The following CD276 variants were observed in gnomAD, a reference collection of about 807,000 sequenced individuals.
The protein encoded by CD276 is CD276 antigen.
In CD276, 34 loss-of-function variants were observed where a neutral mutation model predicts 50.0. The observed-to-expected ratio is 0.68, with a 90% CI of 0.52 to 0.91. CD276 has a LOEUF of 0.91. Among genes scored for constraint, CD276 ranks in the 40% least tolerant of loss-of-function variants. The pLI, the probability that CD276 is intolerant of heterozygous loss-of-function variation, is 0.00. For synonymous variants in CD276, 275 were observed against 313.0 expected, an observed-to-expected ratio of 0.88 and a Z score of 1.28; for missense variants, 634 against 717.5, an observed-to-expected ratio of 0.88 and a Z score of 1.33.
At chr15:73,702,697 T>C in intron 3 of CD276, 75 bp from the exon 4 acceptor site, 1 of 1,562,522 alleles carries the variant, frequency 6.4e-7, no homozygotes, top group Non-Finnish European at 8.7e-7. Flanking sequence ...TGCTGATTCC[T>C]GTACTCAGCC....
At chr15:73,699,445 A>T (rs1051513190) in intron 1 of CD276, 141 bp from the exon 2 acceptor site, 1 of 1,127,704 alleles carries the variant, frequency 8.9e-7, no homozygotes, top group Admixed American at 2.5e-5. Context: ...ATTCCTCAGC[A>T]GGGGGCCCGG....
At chr15:73,685,453 T>TTGTGTG (rs55859831) in intron 1 of CD276, among the ~76,000 whole-genome samples, 1,839 of 131,888 alleles carry the variant, frequency 0.014, 22 homozygotes, top group Middle Eastern at 0.036. Flanking sequence ...CAAAAAAGAT[T>TTGTGTG]TGTGTGTGTG....
Position 73,702,695 on chromosome 15 carries a change from C to T in CD276, c.419-77C>T, listed in dbSNP as rs1457361616. On this transcript the variant is annotated intron_variant, in intron 3 of 9. Coordinates refer to ENST00000318443, the MANE Select transcript of CD276 (RefSeq NM_001024736.2). Reference sequence around the variant, plus strand: ...TGCTCCCAGAACCCCAGTGCTGATTCCTGTACTCAGCCCCATGCATCCTTT... The same window carrying T: ...TGCTCCCAGAACCCCAGTGCTGATTTCTGTACTCAGCCCCATGCATCCTTT... 199 of 1,561,032 alleles carry T rather than the reference C, an allele frequency of 1.3e-4. 1 individual carries two copies. The highest frequency in any genetic ancestry group is 2.3e-5 in the Non-Finnish European group (26 of 1,152,534).
intron 1 of CD276, among the ~76,000 whole-genome samples, chr15:73,697,205 G>T (rs1470414532): frequency 6.6e-6 from 1 of 152,214 alleles, no homozygotes; most frequent in Admixed American, 6.5e-5. Context: ...TGCTGACTCA[G>T]CAGGCAGTAA....
chr15:73,704,075 G>C lies in CD276; in HGVS notation c.1072+78G>C. 6.4e-7 allele frequency: 1 copy of C among 1,561,746 alleles called. No homozygotes were observed. The highest frequency in any genetic ancestry group is 8.7e-7 in the Non-Finnish European group (1 of 1,153,052). ...GCAGCCCACCCTCTGCTGCACCACTGCTCCCAGAACCCCAGTGCTGATTCC... is the reference window on the plus strand; with the variant it reads ...GCAGCCCACCCTCTGCTGCACCACTCCTCCCAGAACCCCAGTGCTGATTCC... On this transcript the variant is annotated intron_variant, in intron 5 of 9. Coordinates refer to ENST00000318443, the MANE Select transcript of CD276 (RefSeq NM_001024736.2). The surrounding 1 kb of genome is among the most constrained non-coding windows in gnomAD (Gnocchi z 4.1).
Position 73,713,193 on chromosome 15 carries a change from T to C in CD276, c.*237T>C, listed in dbSNP as rs1385773682. 3 of 503,352 alleles carry C rather than the reference T, an allele frequency of 6.0e-6. No individual in the cohort carries two copies. Among genetic ancestry groups the C allele is most frequent in the South Asian group, 3.3e-5 (1 of 30,124 alleles). 31.2% of individuals were successfully genotyped at this position (503,352 alleles called of 1,614,324 possible). A position where few individuals can be genotyped will look rare whatever the true frequency, so the allele number is the denominator to read the frequency against. ...ACAATGAACAGACCACCCACAACCT[T>C]AGTTCTCTAAGTCATCCTGCCTGCT... On this transcript the variant is annotated 3_prime_UTR_variant, in exon 10 of 10. Transcript: ENST00000318443.
intron 1 of CD276, among the ~76,000 whole-genome samples, chr15:73,698,266 T>A (rs1314928531): frequency 6.6e-6 from 1 of 152,234 alleles, no homozygotes; most frequent in African/African-American, 2.4e-5. Flanking sequence ...AAATGTTCTC[T>A]CTCTGCATTC....
intron 7 of CD276, 128 bp downstream of exon 7, chr15:73,708,601 G>C (rs1900749153): frequency 8.7e-7 from 1 of 1,145,540 alleles, no homozygotes; most frequent in Non-Finnish European, 1.2e-6. Context: ...AGATGGGGCT[G>C]GATTTGTCTG....
rs777294522 is a variant in CD276, at chr15:73,703,966, C to T, written c.1041C>T (p.Phe347=). 1.2e-5 allele frequency: 19 copies of T among 1,611,482 alleles called. No homozygotes were observed. Among genetic ancestry groups the T allele is most frequent in the Admixed American group, 3.3e-5 (2 of 59,980 alleles). ...SFTCFVSIRD[F]GSAAVSLQVA... is the part of the protein sequence containing the mutation. The stretch of plus-strand genomic sequence containing the variant: ...CCTGCTTCGTGAGCATCCGGGATTT[C>T]GGCAGCGCTGCCGTCAGCCTGCAGG... The change falls in exon 5 of 10, where the codon TTC becomes TTT. Residue 347 remains phenylalanine (F), a synonymous_variant. Coordinates refer to ENST00000318443, the MANE Select transcript of CD276 (RefSeq NM_001024736.2).
chr15:73,706,532 C>T (rs1048836241), intron 6 of CD276, among the ~76,000 whole-genome samples: 4 of 152,222 alleles, frequency 2.6e-5, no homozygotes, highest in African/African-American at 7.2e-5. Context: ...GGAGATGAGC[C>T]ATGATCAGAA....
At position 73,709,698 on chromosome 15, in the gene CD276, G is replaced by A. The variant is rs772469627; in HGVS notation, c.1546+9G>A. The A allele has an allele frequency of 6.2e-7, 1 of 1,610,904 alleles. No homozygotes were observed. Among genetic ancestry groups the A allele is most frequent in the East Asian group, 2.2e-5 (1 of 44,772 alleles). On this transcript the variant is annotated intron_variant, in intron 8 of 9. Coordinates refer to ENST00000318443, the MANE Select transcript of CD276 (RefSeq NM_001024736.2). ...AGAAGGCTCCAAGACAGGTGAGTCT[G>A]AACTTGGAGCTGGCCCTCTTGGCTG...
intron 2 of CD276, among the ~76,000 whole-genome samples, chr15:73,701,160 C>G (rs902214525): frequency 6.6e-6 from 1 of 151,668 alleles, no homozygotes; most frequent in South Asian, 2.1e-4. Flanking sequence ...CCTCCCATGC[C>G]GGGCCTTTTC....
Position 73,703,711 on chromosome 15 carries a change from C to T in CD276, c.786C>T (p.Thr262=), listed in dbSNP as rs748805312. 8.1e-6 allele frequency: 13 copies of T among 1,613,064 alleles called. No individual in the cohort carries two copies. Among genetic ancestry groups the T allele is most frequent in the Admixed American group, 3.3e-5 (2 of 59,982 alleles). The part of the protein sequence containing the change: ...PEDPVVALVG[T]DATLRCSFSP... ...ACCCGGTGGTGGCCCTAGTGGGCACCGATGCCACCCTGCGCTGCTCCTTCT... is the reference window on the plus strand; with the variant it reads ...ACCCGGTGGTGGCCCTAGTGGGCACTGATGCCACCCTGCGCTGCTCCTTCT... The change falls in exon 5 of 10, where the codon ACC becomes ACT. Residue 262 remains threonine (T), a synonymous_variant. Transcript: ENST00000318443.
At chr15:73,691,392 C>T (rs1355394166) in intron 1 of CD276, among the ~76,000 whole-genome samples, 1 of 152,170 alleles carries the variant, frequency 6.6e-6, no homozygotes, top group Non-Finnish European at 1.5e-5. Flanking sequence ...TGGTAGCAGA[C>T]ACATTTATTG....
At chr15:73,695,254 TG>T (rs141245755) in intron 1 of CD276, among the ~76,000 whole-genome samples, 8,888 of 152,242 alleles carry the variant, frequency 0.058, 285 homozygotes, top group Non-Finnish European at 0.062. Context: ...GTGTCAGAGC[TG>T]GGACCAGAAC....
intron 1 of CD276, among the ~76,000 whole-genome samples, chr15:73,694,660 A>G (rs942751183): frequency 4.0e-5 from 6 of 151,460 alleles, no homozygotes; most frequent in South Asian, 2.1e-4. Flanking sequence ...CACCACATCT[A>G]TGTTCCAGCC....
At position 73,713,038 on chromosome 15, in the gene CD276, C is replaced by A; in HGVS notation, c.*82C>A. The A allele has an allele frequency of 7.8e-7, 1 of 1,286,294 alleles. No individual in the cohort carries two copies. The highest frequency in any genetic ancestry group is 1.1e-6 in the Non-Finnish European group (1 of 898,448). The allele number at this position is 1,286,294 out of a possible 1,614,324, so 79.7% of individuals were successfully genotyped here. ...TGGGGCTGCACTGTGAGCCCTGCCC[C>A]CAACAGATGCATCCTGCTCTGACAG... On this transcript the variant is annotated 3_prime_UTR_variant, in exon 10 of 10. Transcript: ENST00000318443.
chr15:73,710,971 G>T (rs1466711725), intron 8 of CD276, among the ~76,000 whole-genome samples, 164 bp from the exon 9 acceptor site: 1 of 152,170 alleles, frequency 6.6e-6, no homozygotes, highest in African/African-American at 2.4e-5. Flanking sequence ...TGGGACTGGG[G>T]CTTGGGACAG....
At chr15:73,694,595 G>A (rs1596006096) in intron 1 of CD276, among the ~76,000 whole-genome samples, 1 of 152,172 alleles carries the variant, frequency 6.6e-6, no homozygotes, top group Non-Finnish European at 1.5e-5. Context: ...GGGTTCTTCT[G>A]TCTGCTGCTC....
Sources: gnomAD v4.1 joint callset for allele counts (sites outside exome capture counted in the v4.1 genomes callset) on GRCh38, gnomAD v4.1.1 for gene constraint, Gnocchi (gnomAD v3.1) non-coding constraint, MANE v1.5 for transcripts, NCBI Gene and HGNC (gene_info 2026-07-23, HGNC 2026-07-21) for gene names.